SMC4: variants seen among roughly 807,000 people sequenced by gnomAD.
SMC4 encodes structural maintenance of chromosomes protein 4.
Under a neutral mutation model 145.6 loss-of-function variants are expected in SMC4, and 87 were observed. That is an observed-to-expected ratio of 0.60 (90% CI 0.50 to 0.71). The LOEUF (loss-of-function observed/expected upper bound fraction) is 0.71, where lower values mean the gene tolerates loss of function less well. SMC4 is among the 30% of genes least tolerant of loss of function. SMC4 has a pLI of 0.00. For missense variants in SMC4, 1,447 were observed against 1,537.1 expected, an observed-to-expected ratio of 0.94 and a Z score of 0.98; for synonymous variants, 558 against 500.7, an observed-to-expected ratio of 1.11 and a Z score of -1.53.
Position 160,433,837 on chromosome 3 carries a change from A to T in SMC4, c.*28A>T, listed in dbSNP as rs756376849. On this transcript the variant is annotated 3_prime_UTR_variant, in exon 24 of 24. Transcript: ENST00000357388. Reference sequence around the variant, plus strand: ...TTTATGCTGAAGATTCTTCAAGTTGATTCAGTGTATTACTGATTTTTTTCT... The same window carrying T: ...TTTATGCTGAAGATTCTTCAAGTTGTTTCAGTGTATTACTGATTTTTTTCT... 1.3e-6 allele frequency: 2 copies of T among 1,558,920 alleles called. No individual in the cohort carries two copies. Among genetic ancestry groups the T allele is most frequent in the South Asian group, 2.4e-5 (2 of 84,730 alleles).
At chr3:160,406,347 A>T (rs1715325116) in intron 5 of SMC4, among the ~76,000 whole-genome samples, 1 of 152,160 alleles carries the variant, frequency 6.6e-6, no homozygotes, top group African/African-American at 2.4e-5. Context: ...CTACGGTAGA[A>T]CTAATAGTGC....
chr3:160,412,570 T>A, intron 7 of SMC4, 117 bp downstream of exon 7: 1 of 1,372,782 alleles, frequency 7.3e-7, no homozygotes, highest in Non-Finnish European at 9.5e-7. Context: ...CTCTAAATAT[T>A]GTTTTGTGTG....
In SMC4 at chr3:160,417,581, C is replaced by T; in HGVS notation, c.1438-142C>T. ...CAACTAGGCAAAAACTGAATCTAGT[C>T]CACTTGTGAGAATTTCTTATTTCTA... On this transcript the variant is annotated intron_variant, in intron 10 of 23. Transcript: ENST00000357388. 3 of 682,820 alleles carry T rather than the reference C, an allele frequency of 4.4e-6. No homozygotes were observed. In the South Asian group the frequency reaches 5.5e-5, roughly 13 times the overall value. 42.3% of individuals were successfully genotyped at this position (682,820 alleles called of 1,614,324 possible). A position where few individuals can be genotyped will look rare whatever the true frequency, so the allele number is the denominator to read the frequency against.
intron 5 of SMC4, 129 bp from the exon 6 acceptor site, chr3:160,411,791 C>T (rs2108465348): frequency 3.2e-6 from 2 of 620,586 alleles, no homozygotes; most frequent in South Asian, 5.7e-5. Flanking sequence ...TAAATCATTG[C>T]ACTACTAACT....
At chr3:160,432,227 T>C in intron 21 of SMC4, 56 bp from the exon 22 acceptor site, 1 of 1,282,102 alleles carries the variant, frequency 7.8e-7, no homozygotes, top group Non-Finnish European at 1.1e-6. Flanking sequence ...TTAACAATGC[T>C]AATTATCATA....
chr3:160,413,467 C>G lies in SMC4; in HGVS notation c.981-6C>G, dbSNP rs763957396. The G allele has an allele frequency of 4.5e-6, 7 of 1,566,476 alleles. No homozygotes were observed. The highest frequency in any genetic ancestry group is 2.3e-5 in the East Asian group (1 of 43,086). On this transcript the variant is annotated splice_polypyrimidine_tract_variant and splice_region_variant and intron_variant, in intron 7 of 23. Transcript: ENST00000357388. Reference sequence around the variant, plus strand: ...CAATTTCTTTTTTTTTTTTTCCTCCCTATAGTTATGAGTTGCAGAAACGAA... The same window carrying G: ...CAATTTCTTTTTTTTTTTTTCCTCCGTATAGTTATGAGTTGCAGAAACGAA...
At chr3:160,414,957 A>C (rs1424909703) in intron 9 of SMC4, among the ~76,000 whole-genome samples, 1 of 152,140 alleles carries the variant, frequency 6.6e-6, no homozygotes, top group East Asian at 1.9e-4. Flanking sequence ...GTTAATTTTA[A>C]TTTTCTTTTT....
intron 10 of SMC4, chr3:160,416,670 A>G (rs1193506360): frequency 4.5e-6 from 1 of 222,022 alleles, no homozygotes; most frequent in African/African-American, 2.3e-5. Flanking sequence ...CTTGATTATT[A>G]TATATGCCAC....
chr3:160,421,895 CT>C (rs1350406259), intron 13 of SMC4, among the ~76,000 whole-genome samples: 3 of 152,170 alleles, frequency 2.0e-5, no homozygotes, highest in Non-Finnish European at 4.4e-5. Flanking sequence ...CCCTATACCC[CT>C]TCACCCCCTC....
intron 3 of SMC4, 131 bp from the exon 4 acceptor site, chr3:160,402,545 G>A (rs1256982754): frequency 2.3e-6 from 2 of 862,654 alleles, no homozygotes; most frequent in African/African-American, 1.8e-5. Flanking sequence ...CCTGTGATTA[G>A]CAATGAGAAC....
intron 5 of SMC4, among the ~76,000 whole-genome samples, chr3:160,408,664 A>T (rs1462174093): frequency 6.6e-6 from 1 of 152,252 alleles, no homozygotes; most frequent in Non-Finnish European, 1.5e-5. Flanking sequence ...ATTGCCCTAA[A>T]TTAAAACTAT....
chr3:160,428,721 C>A, intron 17 of SMC4, 32 bp from the exon 18 acceptor site: 1 of 1,540,210 alleles, frequency 6.5e-7, no homozygotes, highest in South Asian at 1.3e-5. Flanking sequence ...AGCATAAAAA[C>A]ACAAATTAGG....
intron 20 of SMC4, 114 bp from the exon 21 acceptor site, chr3:160,431,529 C>T: frequency 1.3e-6 from 1 of 798,214 alleles, no homozygotes; most frequent in Non-Finnish European, 2.0e-6. Context: ...ATTGATAAAT[C>T]AGTCACAACT....
Position 160,419,342 on chromosome 3 carries a change from T to G in SMC4, c.1672-16T>G. Reference sequence around the variant, plus strand: ...GAAGTTAATGCTTCTGGATTTCATTTTATTTTCACTTTTAGAAAGAAAAAG... The same window carrying G: ...GAAGTTAATGCTTCTGGATTTCATTGTATTTTCACTTTTAGAAAGAAAAAG... On this transcript the variant is annotated splice_polypyrimidine_tract_variant and intron_variant, in intron 11 of 23. Coordinates refer to ENST00000357388, the MANE Select transcript of SMC4 (RefSeq NM_001002800.3). The G allele has an allele frequency of 1.3e-6, 2 of 1,549,972 alleles. No homozygotes were observed. The highest frequency in any genetic ancestry group is 1.8e-6 in the Non-Finnish European group (2 of 1,142,832).
In SMC4 at chr3:160,404,396, T is replaced by C; in HGVS notation, c.579T>C (p.Asn193=). ...TATCCAGAACGGCCTGCAGAGATAA[T>C]ACTTCTGTCTATCACATAAGTGGAA... ...FYVSRTACRD[N]TSVYHISGKK... The change falls in exon 5 of 24, where the codon AAT becomes AAC. Residue 193 remains asparagine, a synonymous_variant. Coordinates refer to ENST00000357388, the MANE Select transcript of SMC4 (RefSeq NM_001002800.3). 6.2e-7 allele frequency: 1 copy of C among 1,610,884 alleles called. No individual in the cohort carries two copies. Among genetic ancestry groups the C allele is most frequent in the Non-Finnish European group, 8.5e-7 (1 of 1,178,740 alleles).
chr3:160,431,173 C>A lies in SMC4; in HGVS notation c.3082C>A (p.His1028Asn). 1 of 1,586,462 alleles carries A rather than the reference C, an allele frequency of 6.3e-7. No homozygotes were observed. The highest frequency in any genetic ancestry group is 8.5e-7 in the Non-Finnish European group (1 of 1,171,124). The change falls in exon 20 of 24, where the codon CAT (histidine) becomes AAT (asparagine). Residue 1028 changes from histidine (H) to asparagine (N), a missense_variant. Coordinates refer to ENST00000357388, the MANE Select transcript of SMC4 (RefSeq NM_001002800.3). ...LEQIDGHIAE[H>N]NSKIKYWHKE... ...ACAAATAGATGGTCACATTGCTGAA[C>A]ATAATTCTAAAATAAAATATTGGCA...
Position 160,426,241 on chromosome 3 carries a change from A to C in SMC4, c.2605+41A>C, listed in dbSNP as rs76309161. On this transcript the variant is annotated intron_variant, in intron 17 of 23. Coordinates refer to ENST00000357388, the MANE Select transcript of SMC4 (RefSeq NM_001002800.3). Reference sequence around the variant, plus strand: ...GACCTTTTTTGGGGGGAAAAAAAAAACAGGTTTTTAAAGCTTGCAATATTT... The same window carrying C: ...GACCTTTTTTGGGGGGAAAAAAAAACCAGGTTTTTAAAGCTTGCAATATTT... The C allele has an allele frequency of 1.1e-3, 1,703 of 1,492,744 alleles. 16 individuals carry two copies. In the African/African-American group the frequency reaches 0.021, roughly 18 times the overall value. 92.5% of individuals were successfully genotyped at this position (1,492,744 alleles called of 1,614,324 possible). A position where few individuals can be genotyped will look rare whatever the true frequency, so the allele number is the denominator to read the frequency against.
chr3:160,430,782 A>G (rs977334405), intron 19 of SMC4, 39 bp downstream of exon 19: 2 of 1,575,792 alleles, frequency 1.3e-6, no homozygotes, highest in East Asian at 2.3e-5. Flanking sequence ...ATGGGATGAT[A>G]CTGGAACCAA....
At chr3:160,429,014 A>T in intron 18 of SMC4, 72 bp downstream of exon 18, 1 of 1,228,548 alleles carries the variant, frequency 8.1e-7, no homozygotes, top group Non-Finnish European at 1.1e-6. Flanking sequence ...GTTACTATGT[A>T]ATGTTCCATA....
Sources: allele counts gnomAD v4.1 joint callset (sites outside exome capture counted in the v4.1 genomes callset), GRCh38; gene constraint gnomAD v4.1.1; transcripts MANE v1.5; gene names NCBI Gene and HGNC (gene_info 2026-07-23, HGNC 2026-07-21).